Variants in FBLN1 observed in about 807,000 individuals in gnomAD.
FBLN1 encodes the protein fibulin-1.
A neutral mutation model predicts 89.7 loss-of-function variants in FBLN1; 34 were observed. The observed-to-expected ratio is 0.38, with a 90% CI of 0.29 to 0.50. The LOEUF (loss-of-function observed/expected upper bound fraction) is 0.50, where lower values mean the gene tolerates loss of function less well. Ranked by LOEUF, FBLN1 falls within the 20% of genes least tolerant of loss-of-function variation. The pLI, the probability that FBLN1 is intolerant of heterozygous loss-of-function variation, is 0.92. For synonymous variants in FBLN1, 393 were observed against 391.3 expected (o/e 1.00, Z -0.05); for missense variants, 777 against 988.1 (o/e 0.79, Z 2.86).
At chr22:45,547,314 C>A (rs9626169) in intron 12 of FBLN1, 110 bp downstream of exon 12, 1 of 1,423,434 alleles carries the variant, frequency 7.0e-7, no homozygotes, top group Non-Finnish European at 9.5e-7. Context: ...GCTGGGATTT[C>A]TTCACCTGAC....
chr22:45,561,754 A>G lies in FBLN1; in HGVS notation c.1697+11139A>G, dbSNP rs140878530. Among the ~76,000 whole-genome samples the G allele has an allele frequency of 3.3e-4, 50 of 152,332 alleles. No individual in the cohort carries two copies. Among genetic ancestry groups the G allele is most frequent in the Middle Eastern group, 3.4e-3 (1 of 294 alleles). On this transcript the variant is annotated intron_variant, in intron 14 of 16. Coordinates refer to ENST00000327858, the MANE Select transcript of FBLN1 (RefSeq NM_006486.3). This position sits in a 1 kb window ranked among gnomAD's most constrained non-coding sequence, Gnocchi z 4.7. ...ATGTATAATGGAGAGTTTATTAAGC[A>G]TTAACTCACACGATCACAAGGTCCC... is the stretch of plus-strand genomic sequence containing the variant.
chr22:45,517,158 C>A (rs1269516380), intron 1 of FBLN1, among the ~76,000 whole-genome samples: 1 of 152,222 alleles, frequency 6.6e-6, no homozygotes, highest in African/African-American at 2.4e-5. Flanking sequence ...TCAGGCAGGG[C>A]ACCCACAGTT....
At position 45,596,122 on chromosome 22, in the gene FBLN1, G is replaced by A. The variant is rs1432693885; in HGVS notation, c.1973-4185G>A. Among the ~76,000 whole-genome samples the A allele has an allele frequency of 2.6e-5, 4 of 152,336 alleles. 1 individual carries two copies. The highest frequency in any genetic ancestry group is 9.6e-5 in the African/African-American group (4 of 41,584). On this transcript the variant is annotated intron_variant, in intron 16 of 16. Coordinates refer to ENST00000327858, the MANE Select transcript of FBLN1 (RefSeq NM_006486.3). The stretch of plus-strand genomic sequence containing the variant: ...CTGACCTTGTGATCCGCCCGCCTCG[G>A]CCTCCCAAAGTGCCGGGATCACAGG...
intron 1 of FBLN1, among the ~76,000 whole-genome samples, chr22:45,506,787 C>T (rs1014926332): frequency 1.3e-5 from 2 of 152,244 alleles, no homozygotes; most frequent in African/African-American, 2.4e-5. Flanking sequence ...TCTCCAGCAG[C>T]TTCCCTGACC....
intron 2 of FBLN1, 127 bp downstream of exon 2, chr22:45,518,914 C>T: frequency 1.2e-6 from 1 of 868,418 alleles, no homozygotes; most frequent in Non-Finnish European, 1.9e-6. Context: ...TCCATCCAGG[C>T]TGCGGGTGCT....
chr22:45,511,901 T>C (rs1405522549), intron 1 of FBLN1, among the ~76,000 whole-genome samples: 1 of 152,180 alleles, frequency 6.6e-6, no homozygotes, highest in Non-Finnish European at 1.5e-5. Context: ...AAGAGTTTGC[T>C]CTTGGTTTAT....
At chr22:45,538,580 G>A (rs1000230212) in intron 8 of FBLN1, among the ~76,000 whole-genome samples, 1 of 152,178 alleles carries the variant, frequency 6.6e-6, no homozygotes, top group Non-Finnish European at 1.5e-5. Context: ...GACTGCATCA[G>A]CAGAAATACG....
chr22:45,592,875 T>C (rs1041841151), intron 16 of FBLN1, among the ~76,000 whole-genome samples: 2 of 152,174 alleles, frequency 1.3e-5, no homozygotes, highest in Admixed American at 6.5e-5. Context: ...TGGCCCCACA[T>C]GGTGGCCACA....
rs1029057882 is a variant in FBLN1 at position 45,531,819 on chromosome 22, G to A, written c.544+495G>A. Among the ~76,000 whole-genome samples the A allele has an allele frequency of 6.6e-6, 1 of 152,178 alleles. No individual in the cohort carries two copies. The highest frequency in any genetic ancestry group is 1.5e-5 in the Non-Finnish European group (1 of 68,026). ...GGGCCAGAGCTGGTGTGGAAAGCCT[G>A]CACGTTACCGAGCCCCCAGGCCTTG... On this transcript the variant is annotated intron_variant, in intron 5 of 16. Transcript: ENST00000327858. The surrounding 1 kb of genome is among the most constrained non-coding windows in gnomAD (Gnocchi z 4.9).
At chr22:45,591,778 G>C (rs1171122487) in intron 16 of FBLN1, among the ~76,000 whole-genome samples, 1 of 93,970 alleles carries the variant, frequency 1.1e-5, no homozygotes, top group African/African-American at 9.3e-5. Context: ...CAGTCGGGAA[G>C]TGTCCTGCGC....
At chr22:45,598,301 C>A (rs969549259) in intron 16 of FBLN1, among the ~76,000 whole-genome samples, 31 of 152,304 alleles carry the variant, frequency 2.0e-4, no homozygotes, top group Non-Finnish European at 4.4e-5. Context: ...CACGTGGTAC[C>A]GGAAATTTGC....
Position 45,574,688 on chromosome 22 carries a change from C to T in FBLN1, c.1840+35C>T, listed in dbSNP as rs757022201. Reference sequence around the variant, plus strand: ...ATGGGTGTGGGGGTCCCAGGGCCCCCTAGGGCCTCCCTCGGCTTCAGCTGA... The same window carrying T: ...ATGGGTGTGGGGGTCCCAGGGCCCCTTAGGGCCTCCCTCGGCTTCAGCTGA... On this transcript the variant is annotated intron_variant, in intron 15 of 16. Coordinates refer to ENST00000327858, the MANE Select transcript of FBLN1 (RefSeq NM_006486.3). This position sits in a 1 kb window ranked among gnomAD's most constrained non-coding sequence, Gnocchi z 4.1. 3.1e-6 allele frequency: 5 copies of T among 1,602,676 alleles called. No individual in the cohort carries two copies. The highest frequency in any genetic ancestry group is 4.3e-6 in the Non-Finnish European group (5 of 1,174,832).
At chr22:45,565,312 C>G in intron 14 of FBLN1, 1 of 1,267,750 alleles carries the variant, frequency 7.9e-7, no homozygotes, top group Non-Finnish European at 1.0e-6. Flanking sequence ...CTGATCTGGC[C>G]TCTGCCCACC....
intron 16 of FBLN1, among the ~76,000 whole-genome samples, chr22:45,594,262 A>G (rs1425572156): frequency 6.6e-6 from 1 of 152,122 alleles, no homozygotes; most frequent in Non-Finnish European, 1.5e-5. Context: ...ACAGTGGTGT[A>G]GAATTCGTGA....
At chr22:45,541,836 G>A (rs2088560153) in intron 9 of FBLN1, among the ~76,000 whole-genome samples, 1 of 152,208 alleles carries the variant, frequency 6.6e-6, no homozygotes, top group Non-Finnish European at 1.5e-5. Flanking sequence ...AGGGCACCCA[G>A]CCTGCCTAGA....
intron 13 of FBLN1, 98 bp downstream of exon 13, chr22:45,548,842 C>A (rs1467309614): frequency 9.7e-6 from 15 of 1,553,434 alleles, no homozygotes; most frequent in Non-Finnish European, 1.2e-5. Context: ...CTTCCCCAAC[C>A]CAAGGGCCAC....
chr22:45,544,920 G>C (rs1178901519), intron 11 of FBLN1, among the ~76,000 whole-genome samples: 1 of 152,234 alleles, frequency 6.6e-6, no homozygotes, highest in East Asian at 1.9e-4. Flanking sequence ...TCTGAGCTGA[G>C]CAGACACTGA....
intron 16 of FBLN1, among the ~76,000 whole-genome samples, chr22:45,594,845 A>AGTGT (rs1190683422): frequency 1.8e-5 from 2 of 110,020 alleles, no homozygotes; most frequent in Middle Eastern, 5.6e-3. Flanking sequence ...TGGATTGCTG[A>AGTGT]GTGGGTGGGT....
Position 45,581,683 on chromosome 22 carries a change from G to C in FBLN1, c.1972+4575G>C, listed in dbSNP as rs982706182. 9.2e-5 allele frequency among the ~76,000 whole-genome samples: 14 copies of C among 152,070 alleles called. No individual in the cohort carries two copies. The highest frequency in any genetic ancestry group is 3.4e-4 in the African/African-American group (14 of 41,418). The stretch of plus-strand genomic sequence containing the variant: ...TGCAGGCCAGCCCCTCCTGTCGCAC[G>C]GGCATGACCATGGGGCAGTCAGGGG... On this transcript the variant is annotated intron_variant, in intron 16 of 16. Coordinates refer to ENST00000327858, the MANE Select transcript of FBLN1 (RefSeq NM_006486.3). The surrounding 1 kb of genome is among the most constrained non-coding windows in gnomAD (Gnocchi z 7.6).
Sources: gnomAD v4.1 joint callset for allele counts (sites outside exome capture counted in the v4.1 genomes callset) on GRCh38, gnomAD v4.1.1 for gene constraint, Gnocchi (gnomAD v3.1) non-coding constraint, MANE v1.5 for transcripts, NCBI Gene and HGNC (gene_info 2026-07-23, HGNC 2026-07-21) for gene names.